Variants in ZGRF1 observed in about 807,000 individuals in gnomAD.
ZGRF1 encodes 5'-3' DNA helicase ZGRF1.
In ZGRF1, 196 loss-of-function variants were observed where a neutral mutation model predicts 203.5. The ratio of observed to expected loss-of-function variants is 0.96; its 90% CI spans 0.86 to 1.08. The LOEUF (loss-of-function observed/expected upper bound fraction) is 1.08, where lower values mean the gene tolerates loss of function less well. Among genes scored for constraint, ZGRF1 ranks in the 50% least tolerant of loss-of-function variants. The probability of loss-of-function intolerance (pLI) is 0.00; values close to 1 mark genes in which losing one functional copy is unlikely to be tolerated. For missense variants in ZGRF1, 2,326 were observed against 2,416.3 expected, an observed-to-expected ratio of 0.96 and a Z score of 0.78; for synonymous variants, 809 against 841.3, an observed-to-expected ratio of 0.96 and a Z score of 0.66.
At chr4:112,552,506 T>C (rs1254300499) in intron 22 of ZGRF1, among the ~76,000 whole-genome samples, 1 of 151,698 alleles carries the variant, frequency 6.6e-6, no homozygotes, top group Non-Finnish European at 1.5e-5. Flanking sequence ...TATATCATTG[T>C]TACGTTGGGT....
chr4:112,566,549 T>C (rs887011164), intron 16 of ZGRF1, among the ~76,000 whole-genome samples: 8 of 151,914 alleles, frequency 5.3e-5, no homozygotes, highest in Admixed American at 1.3e-4. Flanking sequence ...ACTGAATTAA[T>C]AACATAATTC....
intron 22 of ZGRF1, among the ~76,000 whole-genome samples, chr4:112,548,592 G>A (rs1238424073): frequency 6.6e-6 from 1 of 151,000 alleles, no homozygotes; most frequent in Non-Finnish European, 1.5e-5. Flanking sequence ...TAAGCCACAA[G>A]CCCATTAACA....
chr4:112,625,269 A>G (rs923188279), intron 3 of ZGRF1, among the ~76,000 whole-genome samples: 1 of 152,198 alleles, frequency 6.6e-6, no homozygotes, highest in Admixed American at 6.5e-5. Context: ...AGCCTGGGTG[A>G]CAGAGCAAGA....
At chr4:112,591,223 TA>T (rs967365674) in intron 10 of ZGRF1, among the ~76,000 whole-genome samples, 2 of 152,182 alleles carry the variant, frequency 1.3e-5, no homozygotes, top group African/African-American at 4.8e-5. Context: ...TGGGTACTCT[TA>T]TTTTCCTTAT....
In ZGRF1 at chr4:112,541,354, C is replaced by T. The variant is rs958035841; in HGVS notation, c.5599-86G>A. On this transcript the variant is annotated intron_variant, in intron 24 of 27. Coordinates refer to ENST00000505019, the MANE Select transcript of ZGRF1 (RefSeq NM_018392.5). ...ATTATATTTTTAAAATTAAAAATAT[C>T]GCTATATTATGGTCTTAGGAGATGA... 58 of 669,458 alleles carry T rather than the reference C, an allele frequency of 8.7e-5. 1 individual carries two copies. Among genetic ancestry groups the T allele is most frequent in the Admixed American group, 2.4e-4 (8 of 33,068 alleles). 41.5% of individuals were successfully genotyped at this position (669,458 alleles called of 1,614,324 possible).
At chr4:112,583,477 G>A (rs949957778) in intron 15 of ZGRF1, among the ~76,000 whole-genome samples, 2 of 152,148 alleles carry the variant, frequency 1.3e-5, no homozygotes, top group Admixed American at 6.6e-5. Flanking sequence ...TGCTGACATT[G>A]TTTGATGTTT....
intron 2 of ZGRF1, among the ~76,000 whole-genome samples, chr4:112,632,767 A>C (rs1365663671): frequency 6.6e-6 from 1 of 152,216 alleles, no homozygotes; most frequent in Non-Finnish European, 1.5e-5. Flanking sequence ...AAATAGTGTG[A>C]GAACTGCTGA....
chr4:112,620,809 A>G (rs923757384), intron 4 of ZGRF1, among the ~76,000 whole-genome samples: 1 of 150,844 alleles, frequency 6.6e-6, no homozygotes, highest in African/African-American at 2.4e-5. Flanking sequence ...GGCTGCAGTG[A>G]GCAGTTTTCA....
intron 3 of ZGRF1, among the ~76,000 whole-genome samples, chr4:112,631,279 G>C (rs918294915): frequency 6.6e-6 from 1 of 152,080 alleles, no homozygotes; most frequent in African/African-American, 2.4e-5. Context: ...TGGGATTACA[G>C]GTATGAGCCA....
At chr4:112,574,567 T>C (rs1744797709) in intron 16 of ZGRF1, among the ~76,000 whole-genome samples, 1 of 152,202 alleles carries the variant, frequency 6.6e-6, no homozygotes, top group Non-Finnish European at 1.5e-5. Flanking sequence ...ATAAAGGTAC[T>C]AGATTTTGAT....
intron 24 of ZGRF1, among the ~76,000 whole-genome samples, 186 bp from the exon 25 acceptor site, chr4:112,541,454 G>T (rs189262614): frequency 1.5e-3 from 220 of 148,988 alleles, no homozygotes; most frequent in African/African-American, 5.2e-3. Context: ...TATTAATTTA[G>T]AAAAATTAGA....
At position 112,578,594 on chromosome 4, in the gene ZGRF1, C is replaced by T. The variant is rs1244245822; in HGVS notation, c.4438+3069G>A. 4.9e-5 allele frequency among the ~76,000 whole-genome samples: 6 copies of T among 122,634 alleles called. 2 individuals carry two copies. The highest frequency in any genetic ancestry group is 1.7e-4 in the African/African-American group (6 of 35,392). 80.5% of individuals were successfully genotyped at this position (122,634 alleles called of 152,430 possible). On this transcript the variant is annotated intron_variant, in intron 16 of 27. Coordinates refer to ENST00000505019, the MANE Select transcript of ZGRF1 (RefSeq NM_018392.5). Reference sequence around the variant, plus strand: ...ATAAAAAATGATAAAGGGGATATCACCACCGATCCACAGAAATACAAACTA... The same window carrying T: ...ATAAAAAATGATAAAGGGGATATCATCACCGATCCACAGAAATACAAACTA...
intron 3 of ZGRF1, 77 bp from the exon 4 acceptor site, chr4:112,623,953 G>A: frequency 2.7e-6 from 2 of 737,270 alleles, no homozygotes; most frequent in East Asian, 5.4e-5. Flanking sequence ...GAGGAAATAA[G>A]TAATTGTTAT....
chr4:112,549,236 C>A (rs1368950327), intron 22 of ZGRF1, among the ~76,000 whole-genome samples: 2 of 152,038 alleles, frequency 1.3e-5, no homozygotes, highest in Non-Finnish European at 2.9e-5. Flanking sequence ...CCATTACTCT[C>A]AAGGCAAAAA....
rs576630507 is a variant in ZGRF1 at position 112,625,850 on chromosome 4, A to C, written c.103-1974T>G. ...GTGGATGTTTTGGTGAGCTGAGAACACGCCATTGCACTCCAGCCTGGGCAA... is the reference window on the plus strand; with the variant it reads ...GTGGATGTTTTGGTGAGCTGAGAACCCGCCATTGCACTCCAGCCTGGGCAA... On this transcript the variant is annotated intron_variant, in intron 3 of 27. Transcript: ENST00000505019. Among the ~76,000 whole-genome samples the C allele has an allele frequency of 3.4e-5, 5 of 148,432 alleles. No homozygotes were observed. In the East Asian group the frequency reaches 1.0e-3, roughly 30 times the overall value.
chr4:112,579,476 T>C (rs11098166), intron 16 of ZGRF1, among the ~76,000 whole-genome samples: 40,999 of 120,404 alleles, frequency 0.34, 14,723 homozygotes, highest in East Asian at 0.91. Flanking sequence ...AAGAGGAAGT[T>C]AAATTGTCCC....
At chr4:112,633,120 GA>G in intron 2 of ZGRF1, 35 bp downstream of exon 2, 1 of 1,579,560 alleles carries the variant, frequency 6.3e-7, no homozygotes, top group African/African-American at 1.3e-5. Flanking sequence ...CAGAGGAAGG[GA>G]ATTTCACCAA....
chr4:112,595,646 ATT>A, intron 10 of ZGRF1, among the ~76,000 whole-genome samples: 1 of 152,274 alleles, frequency 6.6e-6, no homozygotes, highest in East Asian at 1.9e-4. Context: ...GCTTAAAAGC[ATT>A]CTTTCAATAA....
intron 16 of ZGRF1, among the ~76,000 whole-genome samples, chr4:112,572,662 C>G (rs765119655): frequency 2.0e-5 from 3 of 151,998 alleles, no homozygotes; most frequent in Non-Finnish European, 4.4e-5. Flanking sequence ...ATCTGACAAA[C>G]GATTAACACT....
Sources: allele counts gnomAD v4.1 joint callset (sites outside exome capture counted in the v4.1 genomes callset), GRCh38; gene constraint gnomAD v4.1.1; transcripts MANE v1.5; gene names NCBI Gene and HGNC (gene_info 2026-07-23, HGNC 2026-07-21).